Variants in RGS7 observed in about 807,000 individuals in gnomAD.
RGS7 encodes regulator of G-protein signaling 7.
Under a neutral mutation model 81.1 loss-of-function variants are expected in RGS7, and 27 were observed. The observed-to-expected ratio is 0.33, with a 90% confidence interval of 0.25 to 0.46. The LOEUF is 0.46. Ranked by LOEUF, RGS7 falls within the 20% of genes least tolerant of loss-of-function variation. RGS7 has a pLI of 1.00. For missense variants in RGS7, 396 were observed against 607.4 expected (o/e 0.65, Z 3.66); for synonymous variants, 208 against 207.7 (o/e 1.00, Z -0.01).
At chr1:240,786,758 G>T (rs1474415289) in intron 18 of RGS7, among the ~76,000 whole-genome samples, 1 of 152,096 alleles carries the variant, frequency 6.6e-6, no homozygotes, top group East Asian at 1.9e-4. Context: ...ATCATTAAAA[G>T]AAACAAAAGC....
intron 2 of RGS7, among the ~76,000 whole-genome samples, chr1:241,279,922 A>G (rs934689755): frequency 1.3e-5 from 2 of 152,074 alleles, no homozygotes; most frequent in African/African-American, 4.8e-5. Context: ...GTGGTATTCT[A>G]TGGGAAGGAG....
At chr1:240,817,764 G>A (rs1340165611) in intron 10 of RGS7, among the ~76,000 whole-genome samples, 3 of 152,108 alleles carry the variant, frequency 2.0e-5, no homozygotes, top group South Asian at 2.1e-4. Context: ...CACCACACCC[G>A]GCTAATTTTT....
At chr1:241,239,112 G>A (rs2076142558) in intron 2 of RGS7, among the ~76,000 whole-genome samples, 1 of 151,862 alleles carries the variant, frequency 6.6e-6, no homozygotes, top group Non-Finnish European at 1.5e-5. Context: ...GGGACTACAG[G>A]TGTGTGCCAC....
intron 6 of RGS7, among the ~76,000 whole-genome samples, chr1:240,886,940 C>T (rs1301636354): frequency 6.6e-6 from 1 of 152,114 alleles, no homozygotes; most frequent in Non-Finnish European, 1.5e-5. Flanking sequence ...GGGTTCTGGC[C>T]TTCCTGTTAA....
chr1:241,263,413 A>C (rs2077436183), intron 2 of RGS7, among the ~76,000 whole-genome samples: 1 of 152,196 alleles, frequency 6.6e-6, no homozygotes, highest in South Asian at 2.1e-4. Flanking sequence ...TTAGGAACTT[A>C]TATTTTGAAC....
chr1:241,037,029 G>A (rs988089780), intron 3 of RGS7, among the ~76,000 whole-genome samples: 4 of 152,160 alleles, frequency 2.6e-5, no homozygotes, highest in Admixed American at 1.3e-4. Flanking sequence ...GACTTTATAT[G>A]AGTAAGAAAT....
rs943581171 is a variant in RGS7, at chr1:240,910,780, T to C, written c.385+19937A>G. On this transcript the variant is annotated intron_variant, in intron 6 of 18. Transcript: ENST00000440928. ...TGGCCCAGGCTGGAGTGCAGTGGTG[T>C]CATCTCAGCTCACTGCAACCTCCGC... Among the ~76,000 whole-genome samples the C allele has an allele frequency of 9.9e-5, 15 of 152,116 alleles. No homozygotes were observed. In the East Asian group the frequency reaches 2.5e-3, roughly 26 times the overall value.
At chr1:241,327,038 GGGAGGGAGGGGAAAGGA>G (rs2081565622) in intron 2 of RGS7, among the ~76,000 whole-genome samples, 1 of 37,670 alleles carries the variant, frequency 2.7e-5, no homozygotes, top group African/African-American at 9.6e-5. Flanking sequence ...AAGGAAGGAA[GGGAGGGAGGGGAAAGGA>G]AGGAAGAAGG....
intron 18 of RGS7, among the ~76,000 whole-genome samples, chr1:240,786,177 G>T (rs1280538029): frequency 1.3e-5 from 2 of 151,964 alleles, no homozygotes; most frequent in African/African-American, 4.8e-5. Flanking sequence ...TAAAGAAAAT[G>T]AAGAAAACAT....
chr1:241,222,762 C>CTCTA (rs2075085390), intron 2 of RGS7, among the ~76,000 whole-genome samples: 1 of 152,168 alleles, frequency 6.6e-6, no homozygotes, highest in South Asian at 2.1e-4. Context: ...ATGCTCCCAA[C>CTCTA]TCTAACCTGT....
At chr1:240,944,274 GTGTGTGTGTATATATA>G (rs1428240891) in intron 4 of RGS7, among the ~76,000 whole-genome samples, 77 of 18,792 alleles carry the variant, frequency 4.1e-3, no homozygotes, top group African/African-American at 9.5e-3. Context: ...GTGTGTGTGT[GTGTGTGTGTATATATA>G]TATATATATA....
chr1:241,013,023 GGT>G (rs1393810739), intron 3 of RGS7, among the ~76,000 whole-genome samples: 1 of 149,746 alleles, frequency 6.7e-6, no homozygotes, highest in Non-Finnish European at 1.5e-5. Flanking sequence ...ACTTCAGGCT[GGT>G]ATAAAAATGT....
rs181460622 is a variant in RGS7, at chr1:241,060,962, T to A, written c.175+37704A>T. Among the ~76,000 whole-genome samples the A allele has an allele frequency of 1.1e-3, 169 of 152,366 alleles. 1 individual carries two copies. The highest frequency in any genetic ancestry group is 1.5e-3 in the Non-Finnish European group (103 of 68,044). On this transcript the variant is annotated intron_variant, in intron 3 of 18. Transcript: ENST00000440928. The stretch of plus-strand genomic sequence containing the variant: ...GGTCTCTGGATGGAAACTCTCCTGG[T>A]CAATGGGTCACCTGCCCCTCAGGCT...
chr1:241,304,289 G>C (rs552415838), intron 2 of RGS7, among the ~76,000 whole-genome samples: 1 of 152,082 alleles, frequency 6.6e-6, no homozygotes, highest in African/African-American at 2.4e-5. Context: ...AGGCAAGTTC[G>C]CAAGTGTGAA....
rs370066765 is a variant in RGS7 at position 240,857,208 on chromosome 1, A to AT, written c.609+11378dup. ...CACTTTGTAAAAAAGTTATATCTCT[A>AT]TTTTTTTTTGTTATGTCATGGACTT... On this transcript the variant is annotated intron_variant, in intron 9 of 18. Coordinates refer to ENST00000440928, the MANE Select transcript of RGS7 (RefSeq NM_001364886.1). Among the ~76,000 whole-genome samples the AT allele has an allele frequency of 1.5e-3, 219 of 150,816 alleles. 3 individuals are homozygous for AT. In the South Asian group the frequency reaches 0.023, roughly 16 times the overall value.
chr1:240,782,460 T>A (rs1041780925), intron 18 of RGS7, among the ~76,000 whole-genome samples: 19 of 152,186 alleles, frequency 1.2e-4, no homozygotes, highest in African/African-American at 4.3e-4. Flanking sequence ...TCTTGCTCTA[T>A]CACCCAGGTC....
At chr1:240,795,116 G>A (rs933134305) in intron 18 of RGS7, among the ~76,000 whole-genome samples, 16 of 151,144 alleles carry the variant, frequency 1.1e-4, no homozygotes, top group African/African-American at 2.0e-4. Context: ...CCTGGGAGGC[G>A]GAGGTTGCAG....
At chr1:241,339,770 C>G (rs1039676602) in intron 2 of RGS7, among the ~76,000 whole-genome samples, 3 of 152,028 alleles carry the variant, frequency 2.0e-5, no homozygotes, top group African/African-American at 2.4e-5. Context: ...ATATTACATC[C>G]CAGCTGTTTG....
At chr1:240,989,393 G>A (rs1013856868) in intron 3 of RGS7, among the ~76,000 whole-genome samples, 9 of 151,468 alleles carry the variant, frequency 5.9e-5, no homozygotes, top group Non-Finnish European at 1.0e-4. Context: ...CTGAGATGGC[G>A]CCACTGCACT....
Sources: allele counts gnomAD v4.1 joint callset (sites outside exome capture counted in the v4.1 genomes callset), GRCh38; gene constraint gnomAD v4.1.1; transcripts MANE v1.5; gene names NCBI Gene and HGNC (gene_info 2026-07-23, HGNC 2026-07-21).